PDE4B: variants seen among roughly 807,000 people sequenced by gnomAD.
The protein encoded by PDE4B is 3',5'-cyclic-AMP phosphodiesterase 4B.
PDE4B carries 20 observed loss-of-function variants against 82.2 expected under a neutral mutation model. The ratio of observed to expected loss-of-function variants is 0.24; its 90% confidence interval spans 0.17 to 0.35. The LOEUF (loss-of-function observed/expected upper bound fraction) is 0.35. Ranked by LOEUF, PDE4B falls within the 10% of genes least tolerant of loss-of-function variation. The pLI, the probability that PDE4B is intolerant of heterozygous loss-of-function variation, is 1.00. For synonymous variants in PDE4B, 320 were observed against 318.9 expected (o/e 1.00, Z -0.04); for missense variants, 655 against 907.2 (o/e 0.72, Z 3.57).
chr1:66,232,781 G>A (rs1281275590), intron 3 of PDE4B, among the ~76,000 whole-genome samples: 1 of 152,200 alleles, frequency 6.6e-6, no homozygotes, highest in African/African-American at 2.4e-5. Context: ...GGCCACTGAT[G>A]ATCTTGACCA....
intron 3 of PDE4B, among the ~76,000 whole-genome samples, chr1:66,204,870 G>C (rs1649414449): frequency 6.6e-6 from 1 of 152,178 alleles, no homozygotes; most frequent in South Asian, 2.1e-4. Context: ...CCCACTGTCT[G>C]GCACTCCCTA....
chr1:65,918,575 T>C (rs896335123), intron 2 of PDE4B, 22 bp from the exon 3 acceptor site: 1 of 1,347,406 alleles, frequency 7.4e-7, no homozygotes, highest in South Asian at 1.2e-5. Flanking sequence ...CTTCTTTTTT[T>C]CTTTCCCTGT....
intron 7 of PDE4B, among the ~76,000 whole-genome samples, chr1:66,317,960 C>T (rs546757397): frequency 6.6e-6 from 1 of 152,076 alleles, no homozygotes; most frequent in South Asian, 2.1e-4. Flanking sequence ...AGGTGGGACT[C>T]CCAGGAAAAA....
intron 3 of PDE4B, among the ~76,000 whole-genome samples, chr1:65,942,691 T>A (rs963242611): frequency 1.3e-5 from 2 of 152,094 alleles, no homozygotes; most frequent in Admixed American, 1.3e-4. Flanking sequence ...TCAACACTTA[T>A]CTTTCACTTA....
intron 3 of PDE4B, among the ~76,000 whole-genome samples, chr1:66,058,215 A>T (rs1225837661): frequency 6.6e-6 from 1 of 152,244 alleles, no homozygotes; most frequent in East Asian, 1.9e-4. Context: ...CATCCAGGTC[A>T]TGCTGATGGA....
Position 65,908,625 on chromosome 1 carries a change from T to C in PDE4B, c.-70-4620T>C, listed in dbSNP as rs183445552. Among the ~76,000 whole-genome samples the C allele has an allele frequency of 5.4e-4, 82 of 152,258 alleles. 1 individual carries two copies. Among genetic ancestry groups the C allele is most frequent in the African/African-American group, 1.7e-3 (71 of 41,558 alleles). ...AGCTTATTCTGGATCAAGTGGACAT[T>C]GCAGCTTGAGCCATCATGTCATTAT... On this transcript the variant is annotated intron_variant, in intron 1 of 16. Coordinates refer to ENST00000341517, the MANE Select transcript of PDE4B (RefSeq NM_002600.4).
Position 65,850,678 on chromosome 1 carries a change from T to A in PDE4B, c.-71+57430T>A, listed in dbSNP as rs376533579. On this transcript the variant is annotated intron_variant, in intron 1 of 16. Transcript: ENST00000341517. ...GTGTATTTGTGTGTATATGTGTGTT[T>A]GCATGTGTGTGTATATATATATATT... Among the ~76,000 whole-genome samples the A allele has an allele frequency of 5.3e-5, 8 of 152,262 alleles. No individual in the cohort carries two copies. In the East Asian group the frequency reaches 1.3e-3, roughly 26 times the overall value.
intron 3 of PDE4B, among the ~76,000 whole-genome samples, chr1:65,969,273 A>G (rs1650008526): frequency 6.6e-6 from 1 of 152,162 alleles, no homozygotes; most frequent in Non-Finnish European, 1.5e-5. Context: ...AGTGCAAGAG[A>G]GCAAAAAGAG....
intron 7 of PDE4B, among the ~76,000 whole-genome samples, chr1:66,296,211 TA>T (rs2101825519): frequency 6.6e-6 from 1 of 152,294 alleles, no homozygotes; most frequent in South Asian, 2.1e-4. Flanking sequence ...TGGCAAAAAC[TA>T]TGTCTTATTT....
intron 16 of PDE4B, among the ~76,000 whole-genome samples, chr1:66,369,458 A>G (rs998834171): frequency 3.3e-5 from 5 of 152,188 alleles, no homozygotes; most frequent in African/African-American, 1.2e-4. Context: ...GGATGCTTCT[A>G]TGCTTTTGAG....
intron 1 of PDE4B, among the ~76,000 whole-genome samples, chr1:65,827,400 C>T (rs895370458): frequency 2.0e-5 from 3 of 151,956 alleles, no homozygotes; most frequent in African/African-American, 7.3e-5. Flanking sequence ...AAAAGTTAGA[C>T]AACATGTAAT....
At chr1:66,233,612 A>G (rs958656084) in intron 3 of PDE4B, among the ~76,000 whole-genome samples, 25 of 152,216 alleles carry the variant, frequency 1.6e-4, no homozygotes, top group African/African-American at 4.6e-4. Context: ...TTTATAGAGA[A>G]ATAATTCAGT....
intron 3 of PDE4B, among the ~76,000 whole-genome samples, chr1:66,128,981 G>A (rs34676265): frequency 0.22 from 34,183 of 152,102 alleles, 4,484 homozygotes; most frequent in Non-Finnish European, 0.29. Context: ...ATGAGATTTG[G>A]TTGGGGACAC....
At chr1:66,087,689 T>TA (rs1384550808) in intron 3 of PDE4B, among the ~76,000 whole-genome samples, 3 of 152,036 alleles carry the variant, frequency 2.0e-5, no homozygotes, top group East Asian at 1.9e-4. Context: ...TATGCAGCTA[T>TA]AAAAAATGAT....
chr1:65,955,669 C>G (rs557945253), intron 3 of PDE4B, among the ~76,000 whole-genome samples: 7 of 152,240 alleles, frequency 4.6e-5, no homozygotes, highest in Admixed American at 2.6e-4. Flanking sequence ...TCTGGTTTAT[C>G]TAGCAGCTTA....
At chr1:65,799,941 T>C (rs1162688169) in intron 1 of PDE4B, among the ~76,000 whole-genome samples, 1 of 152,218 alleles carries the variant, frequency 6.6e-6, no homozygotes, top group East Asian at 1.9e-4. Flanking sequence ...TCTTACTATA[T>C]GGAGAAACAG....
chr1:66,079,341 T>C (rs1241257633), intron 3 of PDE4B, among the ~76,000 whole-genome samples: 2 of 152,162 alleles, frequency 1.3e-5, no homozygotes, highest in Non-Finnish European at 2.9e-5. Flanking sequence ...GTTACACTGG[T>C]GCCCTATTTG....
At chr1:65,970,377 A>C (rs1265905588) in intron 3 of PDE4B, among the ~76,000 whole-genome samples, 1 of 152,144 alleles carries the variant, frequency 6.6e-6, no homozygotes. Flanking sequence ...GGCTTTTTGC[A>C]GAAGAATGAT....
chr1:65,900,593 A>G (rs1003427396), intron 1 of PDE4B, among the ~76,000 whole-genome samples: 1 of 152,036 alleles, frequency 6.6e-6, no homozygotes, highest in South Asian at 2.1e-4. Flanking sequence ...ATGAGCATGG[A>G]ATGTTTCTCC....
Sources: allele counts gnomAD v4.1 joint callset (sites outside exome capture counted in the v4.1 genomes callset), GRCh38; gene constraint gnomAD v4.1.1; transcripts MANE v1.5; gene names NCBI Gene and HGNC (gene_info 2026-07-23, HGNC 2026-07-21).